Variants in CWC27 observed in about 807,000 individuals in gnomAD.
The protein encoded by CWC27 is spliceosome-associated protein CWC27 homolog.
In CWC27, 47 loss-of-function variants were observed where a neutral mutation model predicts 63.6. The ratio of observed to expected loss-of-function variants is 0.74; its 90% confidence interval spans 0.58 to 0.94. The LOEUF (loss-of-function observed/expected upper bound fraction) is 0.94, where lower values mean the gene tolerates loss of function less well. Among genes scored for constraint, CWC27 ranks in the 40% least tolerant of loss-of-function variants. The probability of loss-of-function intolerance (pLI) is 0.00; values close to 1 mark genes in which losing one functional copy is unlikely to be tolerated. For missense variants in CWC27, 495 were observed against 554.3 expected (o/e 0.89, Z 1.07); for synonymous variants, 175 against 179.8 (o/e 0.97, Z 0.22).
At chr5:64,951,695 T>G (rs962422788) in intron 11 of CWC27, among the ~76,000 whole-genome samples, 2 of 151,966 alleles carry the variant, frequency 1.3e-5, no homozygotes, top group African/African-American at 2.4e-5. Flanking sequence ...TCTTCATATA[T>G]AGATTTCTCT....
At chr5:64,865,246 A>AT (rs945440149) in intron 10 of CWC27, among the ~76,000 whole-genome samples, 4 of 152,138 alleles carry the variant, frequency 2.6e-5, no homozygotes, top group Admixed American at 2.0e-4. Flanking sequence ...TATTCAGGGA[A>AT]TAAATAACCT....
chr5:64,885,028 G>C (rs1313196649), intron 10 of CWC27, among the ~76,000 whole-genome samples: 1 of 152,138 alleles, frequency 6.6e-6, no homozygotes, highest in East Asian at 1.9e-4. Context: ...GTAGTCACTG[G>C]TACCAGTTCA....
rs1196586716 is a variant in CWC27, at chr5:64,860,146, C to T, written c.939-25297C>T. The stretch of plus-strand genomic sequence containing the variant: ...CTTCAGATAACCATGCATTTAACTG[C>T]TATGCCATTCTTACCCACCATTACA... On this transcript the variant is annotated intron_variant, in intron 10 of 13. Transcript: ENST00000381070. Among the ~76,000 whole-genome samples, 4 of 152,156 alleles carry T rather than the reference C, an allele frequency of 2.6e-5. No homozygotes were observed. In the East Asian group the frequency reaches 7.7e-4, roughly 29 times the overall value.
chr5:64,993,779 A>T (rs1262098818), intron 13 of CWC27, among the ~76,000 whole-genome samples: 1 of 152,208 alleles, frequency 6.6e-6, no homozygotes, highest in Non-Finnish European at 1.5e-5. Context: ...TGGGATTAGC[A>T]TAATGTAGTT....
intron 1 of CWC27, among the ~76,000 whole-genome samples, chr5:64,769,799 A>G (rs1189797071): frequency 1.3e-5 from 2 of 152,162 alleles, no homozygotes; most frequent in Non-Finnish European, 2.9e-5. Context: ...TGGTTTTAAA[A>G]CCTGAGATGA....
chr5:64,930,001 A>G (rs1018186583), intron 11 of CWC27, among the ~76,000 whole-genome samples: 7 of 152,276 alleles, frequency 4.6e-5, no homozygotes, highest in East Asian at 1.9e-4. Flanking sequence ...ACTGTGATGT[A>G]TTCGTACAGT....
At chr5:64,769,879 A>AT (rs765929788) in intron 1 of CWC27, among the ~76,000 whole-genome samples, 1 of 152,204 alleles carries the variant, frequency 6.6e-6, no homozygotes. Flanking sequence ...TCTCTGATTG[A>AT]TTTGATGGCT....
chr5:64,863,177 T>C (rs955564030), intron 10 of CWC27, among the ~76,000 whole-genome samples: 1 of 152,200 alleles, frequency 6.6e-6, no homozygotes, highest in Non-Finnish European at 1.5e-5. Context: ...TTAGATTTTT[T>C]TCTATGTAGC....
intron 3 of CWC27, among the ~76,000 whole-genome samples, chr5:64,782,996 G>C (rs1197803798): frequency 6.6e-6 from 1 of 152,056 alleles, no homozygotes; most frequent in Non-Finnish European, 1.5e-5. Flanking sequence ...TTCCTAATTT[G>C]AGATTTTTGC....
chr5:64,939,720 G>A (rs540940345), intron 11 of CWC27, among the ~76,000 whole-genome samples: 9 of 152,306 alleles, frequency 5.9e-5, no homozygotes, highest in Non-Finnish European at 8.8e-5. Context: ...ACCCACAGCC[G>A]CTTTTTCCCT....
chr5:64,982,262 A>G (rs1282447284), intron 13 of CWC27, among the ~76,000 whole-genome samples: 1 of 152,230 alleles, frequency 6.6e-6, no homozygotes, highest in Non-Finnish European at 1.5e-5. Flanking sequence ...TATATGTAAT[A>G]CATACTGTAA....
intron 11 of CWC27, among the ~76,000 whole-genome samples, chr5:64,942,944 T>C (rs945848844): frequency 5.3e-5 from 8 of 152,150 alleles, no homozygotes; most frequent in African/African-American, 1.9e-4. Context: ...ACAAAAATGA[T>C]TCCAGAAGAA....
chr5:64,897,656 G>A (rs1312893152), intron 11 of CWC27, among the ~76,000 whole-genome samples: 1 of 152,004 alleles, frequency 6.6e-6, no homozygotes, highest in Admixed American at 6.5e-5. Flanking sequence ...CAAGTTGATG[G>A]GTGCAGCAAA....
At chr5:64,849,704 G>A (rs1013478104) in intron 10 of CWC27, among the ~76,000 whole-genome samples, 2 of 64,112 alleles carry the variant, frequency 3.1e-5, no homozygotes, top group Admixed American at 1.0e-4. Flanking sequence ...GGGACCTGGT[G>A]GGGGGGTGAT....
At chr5:64,817,580 T>C (rs1745076109) in intron 10 of CWC27, among the ~76,000 whole-genome samples, 1 of 152,194 alleles carries the variant, frequency 6.6e-6, no homozygotes, top group African/African-American at 2.4e-5. Flanking sequence ...TTAGTTTTAC[T>C]GAATCTTGGC....
At chr5:64,891,927 T>A (rs1456726276) in intron 11 of CWC27, among the ~76,000 whole-genome samples, 2 of 152,108 alleles carry the variant, frequency 1.3e-5, no homozygotes, top group African/African-American at 4.8e-5. Flanking sequence ...CCTGAGTAGC[T>A]GGAATTACAG....
At chr5:64,862,609 A>G (rs551464280) in intron 10 of CWC27, among the ~76,000 whole-genome samples, 1 of 152,286 alleles carries the variant, frequency 6.6e-6, no homozygotes, top group East Asian at 1.9e-4. Flanking sequence ...TACCCAGCCC[A>G]TATTCAAATT....
At chr5:64,827,515 A>G (rs534721562) in intron 10 of CWC27, among the ~76,000 whole-genome samples, 2 of 152,336 alleles carry the variant, frequency 1.3e-5, no homozygotes, top group African/African-American at 4.8e-5. Flanking sequence ...AAACACATCC[A>G]GGTTGGAATA....
chr5:64,882,994 A>G (rs1000307560), intron 10 of CWC27, among the ~76,000 whole-genome samples: 7 of 152,198 alleles, frequency 4.6e-5, no homozygotes, highest in Non-Finnish European at 8.8e-5. Context: ...GACTGGGGTA[A>G]TTTATAAAGA....
Sources: gnomAD v4.1 joint callset for allele counts (sites outside exome capture counted in the v4.1 genomes callset) on GRCh38, gnomAD v4.1.1 for gene constraint, MANE v1.5 for transcripts, NCBI Gene and HGNC (gene_info 2026-07-23, HGNC 2026-07-21) for gene names.